Variants in XRRA1 observed in about 807,000 individuals in gnomAD.
XRRA1 encodes the protein X-ray radiation resistance associated 1, also known as X-ray radiation resistance-associated protein 1.
XRRA1 carries 69 observed loss-of-function variants against 80.2 expected under a neutral mutation model. The ratio of observed to expected loss-of-function variants is 0.86; its 90% confidence interval spans 0.71 to 1.05. The LOEUF (loss-of-function observed/expected upper bound fraction) is 1.05, where lower values mean the gene tolerates loss of function less well. Ranked by LOEUF, XRRA1 falls within the 50% of genes least tolerant of loss-of-function variation. XRRA1 has a pLI of 0.00. For missense variants in XRRA1, 967 were observed against 976.4 expected, an observed-to-expected ratio of 0.99 and a Z score of 0.13; for synonymous variants, 348 against 389.9, an observed-to-expected ratio of 0.89 and a Z score of 1.27.
At chr11:74,848,687 A>G (rs578008533) in intron 14 of XRRA1, among the ~76,000 whole-genome samples, 15 of 152,144 alleles carry the variant, frequency 9.9e-5, no homozygotes, top group South Asian at 2.1e-4. Context: ...ATTATCCCCA[A>G]TTTTATAGAT....
intron 10 of XRRA1, among the ~76,000 whole-genome samples, chr11:74,880,336 T>C (rs571476690): frequency 1.3e-4 from 20 of 152,346 alleles, no homozygotes; most frequent in African/African-American, 4.8e-4. Flanking sequence ...TTTTATTGCA[T>C]CTATTCGATT....
At chr11:74,893,512 C>A (rs959468185) in intron 10 of XRRA1, among the ~76,000 whole-genome samples, 4 of 151,732 alleles carry the variant, frequency 2.6e-5, no homozygotes, top group Non-Finnish European at 5.9e-5. Flanking sequence ...ATGTAACTAA[C>A]CTGCACGTTG....
intron 9 of XRRA1, 137 bp downstream of exon 9, chr11:74,907,008 A>AT: frequency 8.3e-7 from 1 of 1,206,246 alleles, no homozygotes; most frequent in East Asian, 2.4e-5. Flanking sequence ...GAAATGACTT[A>AT]CCCATGGCCA....
chr11:74,882,079 C>A lies in XRRA1; in HGVS notation c.1004-19058G>T, dbSNP rs571211374. ...TGCCTTGCTAGATTGGGGAAGTTCT[C>A]CTGGATAATATCCTGCAGAGTGTTT... On this transcript the variant is annotated intron_variant, in intron 10 of 18. Transcript: ENST00000684022. Among the ~76,000 whole-genome samples, 21 of 150,492 alleles carry A rather than the reference C, an allele frequency of 1.4e-4. No homozygotes were observed. In the South Asian group the frequency reaches 4.5e-3, roughly 32 times the overall value.
chr11:74,888,089 T>G (rs986414028), intron 10 of XRRA1, among the ~76,000 whole-genome samples: 37 of 152,182 alleles, frequency 2.4e-4, no homozygotes, highest in African/African-American at 8.9e-4. Context: ...TCTCCCAGCA[T>G]GCAGCTGGAG....
At chr11:74,911,668 A>C (rs557893404) in intron 8 of XRRA1, among the ~76,000 whole-genome samples, 13 of 152,200 alleles carry the variant, frequency 8.5e-5, no homozygotes, top group Non-Finnish European at 1.8e-4. Flanking sequence ...TTGGCCTCCC[A>C]AGTAGCTGGC....
At position 74,841,414 on chromosome 11, in the gene XRRA1, T is replaced by A. The variant is rs7104291; in HGVS notation, c.*1786A>T. The A allele has an allele frequency of 1.3e-5, 2 of 152,110 alleles. No homozygotes were observed. Among genetic ancestry groups the A allele is most frequent in the Admixed American group, 6.5e-5 (1 of 15,288 alleles). The allele number at this position is 152,110 out of a possible 1,614,324, so 9.4% of individuals were successfully genotyped here. On this transcript the variant is annotated 3_prime_UTR_variant, in exon 19 of 19. Transcript: ENST00000684022. ...AGCTGCTGTAGCTTTCTGAAGAAGA[T>A]TGTAGAAAAGAGACTAAGATATATG...
At chr11:74,861,397 T>C (rs1338551918) in intron 11 of XRRA1, among the ~76,000 whole-genome samples, 7 of 152,210 alleles carry the variant, frequency 4.6e-5, no homozygotes, top group Non-Finnish European at 1.5e-5. Flanking sequence ...CATTAGATTC[T>C]CATAGGAGCA....
chr11:74,880,250 C>T (rs1337626713), intron 10 of XRRA1, among the ~76,000 whole-genome samples: 1 of 152,216 alleles, frequency 6.6e-6, no homozygotes, highest in African/African-American at 2.4e-5. Context: ...AGTTTATTTG[C>T]ATAGAGATGT....
chr11:74,859,799 T>C (rs2041947229), intron 11 of XRRA1, among the ~76,000 whole-genome samples: 1 of 152,110 alleles, frequency 6.6e-6, no homozygotes, highest in Non-Finnish European at 1.5e-5. Flanking sequence ...CATTTGAGGA[T>C]GAAACAACAG....
At chr11:74,889,092 T>C (rs1399176133) in intron 10 of XRRA1, among the ~76,000 whole-genome samples, 5 of 152,052 alleles carry the variant, frequency 3.3e-5, no homozygotes, top group East Asian at 3.9e-4. Flanking sequence ...AACTCCAAGA[T>C]ACATAATTGT....
At chr11:74,895,291 T>C (rs1227713751) in intron 10 of XRRA1, among the ~76,000 whole-genome samples, 1 of 152,164 alleles carries the variant, frequency 6.6e-6, no homozygotes, top group Non-Finnish European at 1.5e-5. Context: ...GACCTTACAT[T>C]GAACTCCGTG....
intron 4 of XRRA1, among the ~76,000 whole-genome samples, chr11:74,934,333 T>C (rs1369729317): frequency 2.0e-5 from 3 of 152,218 alleles, no homozygotes; most frequent in Non-Finnish European, 4.4e-5. Context: ...CCATTTATGT[T>C]TAATCAAACC....
At chr11:74,845,719 T>A (rs114323939) in intron 15 of XRRA1, among the ~76,000 whole-genome samples, 2 of 152,180 alleles carry the variant, frequency 1.3e-5, no homozygotes, top group Non-Finnish European at 2.9e-5. Context: ...AGTGAAGAGA[T>A]AGGCAACTGC....
chr11:74,943,393 CCA>C (rs1156764945), intron 2 of XRRA1, among the ~76,000 whole-genome samples: 1 of 152,208 alleles, frequency 6.6e-6, no homozygotes, highest in Non-Finnish European at 1.5e-5. Context: ...AGATTGTTCA[CCA>C]CAGTCTGATG....
At chr11:74,848,817 C>G (rs1157198251) in intron 14 of XRRA1, among the ~76,000 whole-genome samples, 1 of 152,292 alleles carries the variant, frequency 6.6e-6, no homozygotes, top group Non-Finnish European at 1.5e-5. Flanking sequence ...CATCCCTGAC[C>G]ATACGTACTC....
intron 10 of XRRA1, among the ~76,000 whole-genome samples, chr11:74,887,119 G>A (rs2049220256): frequency 6.6e-6 from 1 of 152,172 alleles, no homozygotes; most frequent in South Asian, 2.1e-4. Context: ...AATTCTGGAA[G>A]ATAGATAGCC....
intron 8 of XRRA1, among the ~76,000 whole-genome samples, chr11:74,907,575 G>A (rs894384384): frequency 6.6e-6 from 1 of 152,188 alleles, no homozygotes; most frequent in Non-Finnish European, 1.5e-5. Context: ...GAAAATGCCA[G>A]GTGAAAGAGG....
In XRRA1 at chr11:74,932,927, A is replaced by T. The variant is rs1056561505; in HGVS notation, c.351+874T>A. Among the ~76,000 whole-genome samples, 4 of 152,226 alleles carry T rather than the reference A, an allele frequency of 2.6e-5. 1 individual carries two copies. Among genetic ancestry groups the T allele is most frequent in the Non-Finnish European group, 5.9e-5 (4 of 68,038 alleles). ...CCTCTACTCTATGGTTTATACAAGT[A>T]ATCTCTCTTGGTATGCCACGAAAGC... On this transcript the variant is annotated intron_variant, in intron 5 of 18. Coordinates refer to ENST00000684022, the MANE Select transcript of XRRA1 (RefSeq NM_001378157.1).
Sources: gnomAD v4.1 joint callset for allele counts (sites outside exome capture counted in the v4.1 genomes callset) on GRCh38, gnomAD v4.1.1 for gene constraint, MANE v1.5 for transcripts, NCBI Gene and HGNC (gene_info 2026-07-23, HGNC 2026-07-21) for gene names.